The following INSIG2 variants were observed in gnomAD, a reference collection of about 807,000 sequenced individuals.
The protein encoded by INSIG2 is insulin-induced gene 2 protein.
INSIG2 carries 10 observed loss-of-function variants against 27.2 expected under a neutral mutation model. The observed-to-expected ratio is 0.37, with a 90% CI of 0.23 to 0.62. INSIG2 has a LOEUF of 0.62. Among genes scored for constraint, INSIG2 ranks in the 20% least tolerant of loss-of-function variants. INSIG2 has a pLI of 0.65. For missense variants in INSIG2, 178 were observed against 270.2 expected, an observed-to-expected ratio of 0.66 and a Z score of 2.39; for synonymous variants, 97 against 95.8, an observed-to-expected ratio of 1.01 and a Z score of -0.07.
intron 2 of INSIG2, among the ~76,000 whole-genome samples, chr2:118,100,604 T>G (rs1345374076): frequency 6.6e-6 from 1 of 152,024 alleles, no homozygotes; most frequent in Non-Finnish European, 1.5e-5. Flanking sequence ...GGTCTCAAAC[T>G]CCTGACCTCG....
intron 1 of INSIG2, among the ~76,000 whole-genome samples, chr2:118,094,299 A>G (rs373020722): frequency 1.4e-5 from 2 of 140,274 alleles, no homozygotes; most frequent in African/African-American, 2.8e-5. Context: ...GAACCTTGCC[A>G]AAAGCAACCA....
rs1206389426 is a variant in INSIG2, at chr2:118,110,120, A to G, written c.*1798A>G. 1 of 152,542 alleles carries G rather than the reference A, an allele frequency of 6.6e-6. No individual in the cohort carries two copies. The highest frequency in any genetic ancestry group is 1.5e-5 in the Non-Finnish European group (1 of 68,020). 9.4% of individuals were successfully genotyped at this position (152,542 alleles called of 1,614,324 possible). A position where few individuals can be genotyped will look rare whatever the true frequency, so the allele number is the denominator to read the frequency against. On this transcript the variant is annotated 3_prime_UTR_variant, in exon 6 of 6. Coordinates refer to ENST00000245787, the MANE Select transcript of INSIG2 (RefSeq NM_016133.4). ...TTAACATATGTGGTTGAAGTTACCA[A>G]GAAACGATGAAAAGAAACTAAATAT...
At chr2:118,091,343 A>G (rs1189493082) in intron 1 of INSIG2, among the ~76,000 whole-genome samples, 2 of 152,186 alleles carry the variant, frequency 1.3e-5, no homozygotes, top group African/African-American at 4.8e-5. Context: ...TCTGGCATTC[A>G]CTATACACGT....
In INSIG2 at chr2:118,099,765, A is replaced by G. The variant is rs116339749; in HGVS notation, c.244+2965A>G. On this transcript the variant is annotated intron_variant, in intron 2 of 5. Coordinates refer to ENST00000245787, the MANE Select transcript of INSIG2 (RefSeq NM_016133.4). ...CCCTATTCCTGTAGAGCCTTGTAAG[A>G]TTCCTTGCTTTCTCTCCCGTTCTAC... 1.1e-3 allele frequency among the ~76,000 whole-genome samples: 167 copies of G among 152,298 alleles called. 1 individual carries two copies. Among genetic ancestry groups the G allele is most frequent in the Non-Finnish European group, 1.5e-3 (101 of 68,024 alleles).
intron 5 of INSIG2, 149 bp from the exon 6 acceptor site, chr2:118,108,132 A>C (rs1000546304): frequency 1.8e-6 from 1 of 540,906 alleles, no homozygotes; most frequent in Non-Finnish European, 3.3e-6. Context: ...TCATTTAATC[A>C]TAGTAATTAT....
chr2:118,090,792 AG>A (rs1678205989), intron 1 of INSIG2, among the ~76,000 whole-genome samples: 1 of 152,368 alleles, frequency 6.6e-6, no homozygotes, highest in Non-Finnish European at 1.5e-5. Flanking sequence ...GTGGTGAAGC[AG>A]GAAGAACTCC....
intron 3 of INSIG2, among the ~76,000 whole-genome samples, chr2:118,104,042 C>T (rs1001990988): frequency 3.9e-5 from 6 of 152,130 alleles, no homozygotes; most frequent in African/African-American, 1.4e-4. Flanking sequence ...CTTGTACTTC[C>T]TCCTCATTTG....
rs1678754423 is a variant in INSIG2, at chr2:118,109,275, G to A, written c.*953G>A. The A allele has an allele frequency of 6.6e-6, 1 of 152,176 alleles. No homozygotes were observed. Among genetic ancestry groups the A allele is most frequent in the Non-Finnish European group, 1.5e-5 (1 of 68,028 alleles). The allele number at this position is 152,176 out of a possible 1,614,324, so 9.4% of individuals were successfully genotyped here. A position where few individuals can be genotyped will look rare whatever the true frequency, so the allele number is the denominator to read the frequency against. On this transcript the variant is annotated 3_prime_UTR_variant, in exon 6 of 6. Coordinates refer to ENST00000245787, the MANE Select transcript of INSIG2 (RefSeq NM_016133.4). ...TGGGTTCTGTCTTCTATTGGGTTCTGTGAAGCAAACCACTGTAGCTTTAGC... is the reference window on the plus strand; with the variant it reads ...TGGGTTCTGTCTTCTATTGGGTTCTATGAAGCAAACCACTGTAGCTTTAGC...
At chr2:118,093,019 G>A (rs1454350057) in intron 1 of INSIG2, among the ~76,000 whole-genome samples, 1 of 131,082 alleles carries the variant, frequency 7.6e-6, no homozygotes, top group African/African-American at 3.0e-5. Context: ...TGATGATGAG[G>A]AGGAGGAGGA....
At chr2:118,094,104 T>TGAG (rs1301476798) in intron 1 of INSIG2, among the ~76,000 whole-genome samples, 6 of 33,220 alleles carry the variant, frequency 1.8e-4, no homozygotes, top group Admixed American at 6.0e-4. Flanking sequence ...ATGATGATGA[T>TGAG]GAGGAGGAGG....
Position 118,096,661 on chromosome 2 carries a change from A to G in INSIG2, c.105A>G (p.Leu35=), listed in dbSNP as rs1678414170. The change falls in exon 2 of 6, where the codon CTA becomes CTG. Residue 35 remains leucine (L), a synonymous_variant. Coordinates refer to ENST00000245787, the MANE Select transcript of INSIG2 (RefSeq NM_016133.4). ...ACTTGATGATTCGAGGAGTAGTGCT[A>G]TTTTTTATTGGAGTATTTCTTGCAT... ...SVNLMIRGVV[L]FFIGVFLALV... is the part of the protein sequence containing the mutation. The G allele has an allele frequency of 1.9e-6, 3 of 1,613,932 alleles. No homozygotes were observed. Among genetic ancestry groups the G allele is most frequent in the Non-Finnish European group, 2.5e-6 (3 of 1,179,932 alleles).
Position 118,107,147 on chromosome 2 carries a change from T to C in INSIG2, c.594T>C (p.Ala198=). The C allele has an allele frequency of 1.2e-6, 2 of 1,613,644 alleles. No homozygotes were observed. The highest frequency in any genetic ancestry group is 1.7e-6 in the Non-Finnish European group (2 of 1,179,586). ...CTTGGTTACCATGTATATTTTTTGCTGGAGGCATAACAATGGGAAACATTG... is the reference window on the plus strand; with the variant it reads ...CTTGGTTACCATGTATATTTTTTGCCGGAGGCATAACAATGGGAAACATTG... ...VRSWLPCIFF[A]GGITMGNIGR... Residue 198 remains alanine (A), a synonymous_variant, in exon 5 of 6, where the codon GCT becomes GCC. Transcript: ENST00000245787.
chr2:118,096,450 T>A lies in INSIG2; in HGVS notation c.-107T>A. 1 of 1,141,238 alleles carries A rather than the reference T, an allele frequency of 8.8e-7. No homozygotes were observed. The allele number at this position is 1,141,238 out of a possible 1,614,324, so 70.7% of individuals were successfully genotyped here. A position where few individuals can be genotyped will look rare whatever the true frequency, so the allele number is the denominator to read the frequency against. ...TGGTAGGTCCTACTTTAGGACAAGA[T>A]GTGGTACCGTTGAAGCGTCAGTCTT... On this transcript the variant is annotated 5_prime_UTR_variant, in exon 2 of 6. It removes an upstream start codon present in the reference 5' UTR. Transcript: ENST00000245787.
At chr2:118,098,190 G>A (rs1412763521) in intron 2 of INSIG2, among the ~76,000 whole-genome samples, 2 of 152,054 alleles carry the variant, frequency 1.3e-5, no homozygotes, top group Non-Finnish European at 2.9e-5. Context: ...CTAGTTCTTT[G>A]TTTCTTTTCT....
At chr2:118,101,870 C>CA (rs1384763677) in intron 2 of INSIG2, among the ~76,000 whole-genome samples, 1 of 152,158 alleles carries the variant, frequency 6.6e-6, no homozygotes, top group Non-Finnish European at 1.5e-5. Context: ...ATGCCTAACT[C>CA]AAAAGAGTTG....
At chr2:118,099,220 A>G (rs1326935608) in intron 2 of INSIG2, among the ~76,000 whole-genome samples, 1 of 152,250 alleles carries the variant, frequency 6.6e-6, no homozygotes, top group East Asian at 1.9e-4. Context: ...CTAGGGTCTT[A>G]CCATCTTAAG....
chr2:118,106,989 G>A (rs1558837889), intron 4 of INSIG2, 86 bp downstream of exon 4: 1 of 1,529,838 alleles, frequency 6.5e-7, no homozygotes, highest in South Asian at 1.1e-5. Flanking sequence ...ATGAAATGAG[G>A]TTAGCCAGTT....
intron 3 of INSIG2, 93 bp from the exon 4 acceptor site, chr2:118,106,644 C>G: frequency 2.1e-6 from 2 of 948,234 alleles, no homozygotes; most frequent in African/African-American, 3.3e-5. Context: ...CAATTAATTC[C>G]CTTCTCAACA....
chr2:118,107,234 C>A, intron 5 of INSIG2, 45 bp downstream of exon 5: 1 of 1,357,186 alleles, frequency 7.4e-7, no homozygotes, highest in Non-Finnish European at 1.0e-6. Flanking sequence ...GAACAAATGA[C>A]AAGTTTTCTC....
Sources: allele counts gnomAD v4.1 joint callset (sites outside exome capture counted in the v4.1 genomes callset), GRCh38; gene constraint gnomAD v4.1.1; transcripts MANE v1.5; gene names NCBI Gene and HGNC (gene_info 2026-07-23, HGNC 2026-07-21).